Variants in CACNA1C observed in about 807,000 individuals in gnomAD.
CACNA1C encodes voltage-dependent L-type calcium channel subunit alpha-1C.
Under a neutral mutation model 229.0 loss-of-function variants are expected in CACNA1C, and 30 were observed. That is an observed-to-expected ratio of 0.13 (90% confidence interval 0.10 to 0.18). The LOEUF (loss-of-function observed/expected upper bound fraction) is 0.18. CACNA1C is among the 10% of genes least tolerant of loss of function. The probability of loss-of-function intolerance (pLI) is 1.00; values close to 1 mark genes in which losing one functional copy is unlikely to be tolerated. For missense variants in CACNA1C, 1,658 were observed against 2,845.0 expected (o/e 0.58, Z 9.49); for synonymous variants, 1,114 against 1,132.5 (o/e 0.98, Z 0.33).
intron 3 of CACNA1C, among the ~76,000 whole-genome samples, chr12:2,323,976 A>T (rs1043800370): frequency 6.6e-6 from 1 of 152,196 alleles, no homozygotes; most frequent in Admixed American, 6.5e-5. Context: ...GAGTCCTTCC[A>T]TTCCAGTTCT....
chr12:2,493,389 A>G lies in CACNA1C; in HGVS notation c.1113+3A>G. 1.2e-6 allele frequency: 2 copies of G among 1,606,478 alleles called. No homozygotes were observed. The highest frequency in any genetic ancestry group is 1.7e-6 in the Non-Finnish European group (2 of 1,173,608). On this transcript the variant is annotated splice_donor_region_variant and intron_variant, in intron 7 of 46. Transcript: ENST00000399655. This position sits in a 1 kb window ranked among gnomAD's most constrained non-coding sequence, Gnocchi z 4.6. Reference sequence around the variant, plus strand: ...GCTGGACGGACGTGCTGTACTGGGTACGTAGCATGAGTGGGCAGTCAGAGG... The same window carrying G: ...GCTGGACGGACGTGCTGTACTGGGTGCGTAGCATGAGTGGGCAGTCAGAGG...
chr12:2,326,378 C>A (rs2096292742), intron 3 of CACNA1C, among the ~76,000 whole-genome samples: 1 of 152,114 alleles, frequency 6.6e-6, no homozygotes, highest in Admixed American at 6.5e-5. Flanking sequence ...TAAACTAGGG[C>A]CCTAGGAATA....
In CACNA1C at chr12:2,664,806, G is replaced by A; in HGVS notation, c.4233-19G>A. On this transcript the variant is annotated intron_variant, in intron 34 of 46. Transcript: ENST00000399655. ...TCTGTAGGATGGGCTGCATGAACGTGGCTCTCCCTCCCCTCCAGGTGTGCC... is the reference window on the plus strand; with the variant it reads ...TCTGTAGGATGGGCTGCATGAACGTAGCTCTCCCTCCCCTCCAGGTGTGCC... The A allele has an allele frequency of 6.4e-7, 1 of 1,551,648 alleles. No homozygotes were observed. The highest frequency in any genetic ancestry group is 2.4e-5 in the East Asian group (1 of 42,220).
chr12:2,581,767 C>T lies in CACNA1C; in HGVS notation c.2073C>T (p.Asn691=), dbSNP rs794727117. 1.5e-5 allele frequency: 24 copies of T among 1,611,832 alleles called. No homozygotes were observed. Among genetic ancestry groups the T allele is most frequent in the Middle Eastern group, 3.3e-4 (2 of 6,040 alleles). ...EMQTRRSTFD[N]FPQSLLTVFQ... The stretch of plus-strand genomic sequence containing the variant: ...AGACCCGGAGGAGCACATTCGATAA[C>T]TTCCCCCAGTCCCTCCTCACTGTGT... Residue 691 remains asparagine, a synonymous_variant, in exon 14 of 47, where the codon AAC becomes AAT. Coordinates refer to ENST00000399655, the MANE Select transcript of CACNA1C (RefSeq NM_000719.7).
In CACNA1C at chr12:2,053,067, G is replaced by C; in HGVS notation, c.-496G>C. 11 of 983,908 alleles carry C rather than the reference G, an allele frequency of 1.1e-5. No homozygotes were observed. Among genetic ancestry groups the C allele is most frequent in the Non-Finnish European group, 1.3e-5 (11 of 829,080 alleles). The allele number at this position is 983,908 out of a possible 1,614,324, so 60.9% of individuals were successfully genotyped here. A position where few individuals can be genotyped will look rare whatever the true frequency, so the allele number is the denominator to read the frequency against. On this transcript the variant is annotated 5_prime_UTR_variant, in exon 1 of 47. Coordinates refer to ENST00000399655, the MANE Select transcript of CACNA1C (RefSeq NM_000719.7). This position sits in a 1 kb window ranked among gnomAD's most constrained non-coding sequence, Gnocchi z 5.8. ...GGCGCGGCGGGCCCGGAGCGGCGGCGGCGGCTCTTCCTGCCTCCGCGCCCA... is the reference window on the plus strand; with the variant it reads ...GGCGCGGCGGGCCCGGAGCGGCGGCCGCGGCTCTTCCTGCCTCCGCGCCCA...
At chr12:2,139,940 C>T (rs1488205467) in intron 3 of CACNA1C, among the ~76,000 whole-genome samples, 1 of 151,060 alleles carries the variant, frequency 6.6e-6, no homozygotes, top group Non-Finnish European at 1.5e-5. Flanking sequence ...CCCTGGCTCT[C>T]AGGGTGCTGT....
At chr12:2,387,536 C>T (rs191466898) in intron 3 of CACNA1C, among the ~76,000 whole-genome samples, 11 of 150,216 alleles carry the variant, frequency 7.3e-5, no homozygotes, top group Non-Finnish European at 1.2e-4. Context: ...GAACTAAGAG[C>T]GAAAGAAAGA....
chr12:2,451,254 A>G (rs1237867788), intron 4 of CACNA1C, among the ~76,000 whole-genome samples: 1 of 152,250 alleles, frequency 6.6e-6, no homozygotes, highest in African/African-American at 2.4e-5. Context: ...TCAGTAAACC[A>G]TAGCAAAAGT....
At position 2,053,407 on chromosome 12, in the gene CACNA1C, C is replaced by T. The variant is rs556115197; in HGVS notation, c.-156C>T. 1.9e-4 allele frequency: 261 copies of T among 1,408,252 alleles called. 4 individuals are homozygous for T. The South Asian group carries it at 3.9e-3, about 21-fold the overall frequency. The allele number at this position is 1,408,252 out of a possible 1,614,324, so 87.2% of individuals were successfully genotyped here. On this transcript the variant is annotated 5_prime_UTR_variant, in exon 1 of 47. Coordinates refer to ENST00000399655, the MANE Select transcript of CACNA1C (RefSeq NM_000719.7). This position sits in a 1 kb window ranked among gnomAD's most constrained non-coding sequence, Gnocchi z 5.8. Reference sequence around the variant, plus strand: ...GCCATAATGGGAATCAGGTAATCGTCGGCGGGGAAGAAGAAACGCTGCAGA... The same window carrying T: ...GCCATAATGGGAATCAGGTAATCGTTGGCGGGGAAGAAGAAACGCTGCAGA...
chr12:2,483,849 C>T (rs578255712), intron 5 of CACNA1C, among the ~76,000 whole-genome samples: 1 of 152,328 alleles, frequency 6.6e-6, no homozygotes, highest in East Asian at 1.9e-4. Flanking sequence ...TGGCCTCTGT[C>T]CCCTGCAGGC....
At chr12:2,227,540 G>A (rs2063390945) in intron 3 of CACNA1C, among the ~76,000 whole-genome samples, 1 of 152,166 alleles carries the variant, frequency 6.6e-6, no homozygotes, top group Admixed American at 6.5e-5. Context: ...TTATATGTCA[G>A]TTCCGTTTTT....
At chr12:2,584,455 CAA>C (rs1399907584) in intron 15 of CACNA1C, 46 bp from the exon 16 acceptor site, 1 of 1,466,176 alleles carries the variant, frequency 6.8e-7, no homozygotes, top group African/African-American at 1.4e-5. Context: ...CTGTGCCCAC[CAA>C]AACCCCAAAC....
intron 5 of CACNA1C, among the ~76,000 whole-genome samples, chr12:2,468,804 G>C (rs2099574416): frequency 6.6e-6 from 1 of 152,260 alleles, no homozygotes; most frequent in African/African-American, 2.4e-5. Flanking sequence ...AGTCTGGCCA[G>C]CTGTGTGACC....
At position 2,115,278 on chromosome 12, in the gene CACNA1C, C is replaced by T; in HGVS notation, c.104C>T (p.Ala35Val). Residue 35 changes from alanine to valine, a missense_variant, in exon 2 of 47, where the codon GCA becomes GTA. By Grantham distance (64) the Ala-to-Val change is moderately conservative (BLOSUM62 0). This residue lies in a region of CACNA1C where 111 missense variants were observed against 128.0 expected (regional missense o/e 0.87). Coordinates refer to ENST00000399655, the MANE Select transcript of CACNA1C (RefSeq NM_000719.7). ...CATGCCAACATGAATGCCAATGCGG[C>T]AGCGGGGCTGGCCCCTGAGCACATC... ...PAHANMNANA[A>V]AGLAPEHIPT... 2 of 1,590,824 alleles carry T rather than the reference C, an allele frequency of 1.3e-6. No homozygotes were observed. The highest frequency in any genetic ancestry group is 1.7e-6 in the Non-Finnish European group (2 of 1,168,732).
At chr12:2,530,047 A>G (rs1250647820) in intron 9 of CACNA1C, among the ~76,000 whole-genome samples, 1 of 152,268 alleles carries the variant, frequency 6.6e-6, no homozygotes, top group African/African-American at 2.4e-5. Context: ...ATGGAGATTT[A>G]TGGAGTAAAT....
chr12:2,575,019 C>T lies in CACNA1C; in HGVS notation c.1896-6571C>T, dbSNP rs2057874813. 6.6e-6 allele frequency among the ~76,000 whole-genome samples: 1 copy of T among 152,208 alleles called. No homozygotes were observed. Among genetic ancestry groups the T allele is most frequent in the Admixed American group, 6.5e-5 (1 of 15,282 alleles). On this transcript the variant is annotated intron_variant, in intron 13 of 46. Transcript: ENST00000399655. The surrounding 1 kb of genome is among the most constrained non-coding windows in gnomAD (Gnocchi z 4.0). ...GCCAACTAGGTGACACTGAGTAGCC[C>T]CGTGGCCCAGAAGCTCAGAGAAGCA...
chr12:2,004,690 C>G (rs1382577683), intron 1 of CACNA1C: 6 of 504,924 alleles, frequency 1.2e-5, no homozygotes, highest in Non-Finnish European at 1.7e-5. Context: ...GTTTCTTTCT[C>G]CAAGAGCTGT....
intron 3 of CACNA1C, among the ~76,000 whole-genome samples, chr12:2,448,400 G>A (rs974543531): frequency 3.3e-5 from 5 of 152,144 alleles, no homozygotes; most frequent in East Asian, 1.9e-4. Flanking sequence ...TTTCTGGATC[G>A]GTGTATGTGA....
intron 45 of CACNA1C, among the ~76,000 whole-genome samples, chr12:2,688,099 T>A (rs1331177327): frequency 3.3e-5 from 5 of 152,110 alleles, no homozygotes; most frequent in Non-Finnish European, 5.9e-5. Flanking sequence ...CTCACCCTGC[T>A]CTCCATTCTA....
Sources: allele counts gnomAD v4.1 joint callset (sites outside exome capture counted in the v4.1 genomes callset), GRCh38; gene constraint gnomAD v4.1.1; regional missense constraint gnomAD v4.1.1; non-coding constraint Gnocchi (gnomAD v3.1); transcripts MANE v1.5; gene names NCBI Gene and HGNC (gene_info 2026-07-23, HGNC 2026-07-21).